Variants in CLOCK observed in about 807,000 individuals in gnomAD.
CLOCK encodes the protein circadian locomoter output cycles protein kaput.
A neutral mutation model predicts 118.4 loss-of-function variants in CLOCK; 43 were observed. The observed-to-expected ratio is 0.36, with a 90% CI of 0.28 to 0.47. The LOEUF (loss-of-function observed/expected upper bound fraction) is 0.47, where lower values mean the gene tolerates loss of function less well. CLOCK is among the 20% of genes least tolerant of loss of function. The probability of loss-of-function intolerance (pLI) is 1.00; values close to 1 mark genes in which losing one functional copy is unlikely to be tolerated. For missense variants in CLOCK, 846 were observed against 999.9 expected, an observed-to-expected ratio of 0.85 and a Z score of 2.08; for synonymous variants, 326 against 339.2, an observed-to-expected ratio of 0.96 and a Z score of 0.43.
rs141051562 is a variant in CLOCK, at chr4:55,443,368, G to T, written c.1902+319C>A. On this transcript the variant is annotated intron_variant, in intron 20 of 22. Transcript: ENST00000513440. ...TGGGTGCCTATAATCCCAGCTACTCGGGAGGTTGGGGCAGGAGAATCGCTT... is the reference window on the plus strand; with the variant it reads ...TGGGTGCCTATAATCCCAGCTACTCTGGAGGTTGGGGCAGGAGAATCGCTT... 2.2e-4 allele frequency among the ~76,000 whole-genome samples: 34 copies of T among 151,666 alleles called. No individual in the cohort carries two copies. The South Asian group carries it at 2.7e-3, about 12-fold the overall frequency.
chr4:55,458,417 T>A (rs1725069657), intron 11 of CLOCK, among the ~76,000 whole-genome samples: 1 of 152,098 alleles, frequency 6.6e-6, no homozygotes, highest in African/African-American at 2.4e-5. Flanking sequence ...TTTCTAGTGG[T>A]TAACTCTTTC....
chr4:55,494,767 G>C (rs1161377354), intron 2 of CLOCK, among the ~76,000 whole-genome samples: 1 of 152,094 alleles, frequency 6.6e-6, no homozygotes. Context: ...AGTGAAAGAA[G>C]GTGGCCACAA....
intron 21 of CLOCK, among the ~76,000 whole-genome samples, chr4:55,440,770 C>T (rs911546038): frequency 2.6e-5 from 4 of 152,122 alleles, no homozygotes; most frequent in Admixed American, 6.5e-5. Context: ...AATCTGCTTT[C>T]GTGTAACTCA....
Position 55,444,803 on chromosome 4 carries a change from GAA to G in CLOCK, c.1540-20_1540-19del. 1 of 1,612,360 alleles carries G rather than the reference GAA, an allele frequency of 6.2e-7. No homozygotes were observed. Among genetic ancestry groups the G allele is most frequent in the Non-Finnish European group, 8.5e-7 (1 of 1,179,118 alleles). ...AACTGAAACTGAAGTACCATGTACGGAAAAAGTGTAATATATTTTAGAATTAC... is the reference window on the plus strand; with the variant it reads ...AACTGAAACTGAAGTACCATGTACGGAAAGTGTAATATATTTTAGAATTAC... On this transcript the variant is annotated intron_variant, in intron 18 of 22. Transcript: ENST00000513440.
intron 1 of CLOCK, among the ~76,000 whole-genome samples, chr4:55,530,223 C>A (rs1012922832): frequency 6.6e-6 from 1 of 152,058 alleles, no homozygotes; most frequent in African/African-American, 2.4e-5. Flanking sequence ...AGATAAGATA[C>A]TAAAGCTTAT....
chr4:55,511,856 A>G (rs905724505), intron 1 of CLOCK, among the ~76,000 whole-genome samples: 10 of 152,092 alleles, frequency 6.6e-5, no homozygotes, highest in Admixed American at 2.6e-4. Context: ...GGAATCATAC[A>G]ATATGTAGTA....
chr4:55,505,813 T>C (rs1298761196), intron 2 of CLOCK, among the ~76,000 whole-genome samples: 1 of 97,218 alleles, frequency 1.0e-5, no homozygotes, highest in Admixed American at 1.3e-4. Flanking sequence ...ATATCCTTTA[T>C]CCTGATTTGA....
chr4:55,441,645 C>A (rs1040541368), intron 21 of CLOCK, among the ~76,000 whole-genome samples: 1 of 152,134 alleles, frequency 6.6e-6, no homozygotes, highest in Non-Finnish European at 1.5e-5. Context: ...AAACCAAACA[C>A]CATATATTCT....
chr4:55,438,488 C>A lies in CLOCK; in HGVS notation c.2155G>T (p.Ala719Ser). 1 of 1,613,736 alleles carries A rather than the reference C, an allele frequency of 6.2e-7. No homozygotes were observed. Among genetic ancestry groups the A allele is most frequent in the Non-Finnish European group, 8.5e-7 (1 of 1,179,998 alleles). The change falls in exon 22 of 23, where the codon GCT (alanine) becomes TCT (serine). Residue 719 changes from alanine (A) to serine (S), a missense_variant. Transcript: ENST00000513440. ...LVTKLVTAPV[A>S]CGAVMVPSTM... is the part of the protein sequence containing the mutation. ...CTAGGTACCATGACTGCCCCACAAG[C>A]TACAGGAGCAGTCACTAATTTGGTC...
At chr4:55,538,169 T>C (rs1344179426) in intron 1 of CLOCK, among the ~76,000 whole-genome samples, 6 of 152,028 alleles carry the variant, frequency 3.9e-5, no homozygotes, top group African/African-American at 1.2e-4. Context: ...AATAATAGAG[T>C]ATTATAAGCA....
At chr4:55,530,104 G>A (rs1213226090) in intron 1 of CLOCK, among the ~76,000 whole-genome samples, 1 of 131,632 alleles carries the variant, frequency 7.6e-6, no homozygotes, top group Non-Finnish European at 1.7e-5. Flanking sequence ...ATAACTGAAG[G>A]GAGACACTTG....
Position 55,434,106 on chromosome 4 carries a change from G to GACACCC in CLOCK, c.*1303_*1308dup, listed in dbSNP as rs1247253750. The GACACCC allele has an allele frequency of 6.6e-6, 1 of 152,570 alleles. No homozygotes were observed. The highest frequency in any genetic ancestry group is 2.4e-5 in the African/African-American group (1 of 41,438). 9.5% of individuals were successfully genotyped at this position (152,570 alleles called of 1,614,324 possible). ...TTATTAGGAGACTAATAATGACACT[G>GACACCC]ACACCCACATGCTGTTAAAAAGGTA... On this transcript the variant is annotated 3_prime_UTR_variant, in exon 23 of 23. Coordinates refer to ENST00000513440, the MANE Select transcript of CLOCK (RefSeq NM_004898.4).
At chr4:55,490,596 A>G (rs967273342) in intron 2 of CLOCK, among the ~76,000 whole-genome samples, 2 of 152,176 alleles carry the variant, frequency 1.3e-5, no homozygotes, top group Non-Finnish European at 2.9e-5. Context: ...AGTCCCTTAT[A>G]TAAAATGATG....
chr4:55,470,772 T>C lies in CLOCK; in HGVS notation c.383A>G (p.Asp128Gly), dbSNP rs193269746. Reference protein sequence around the residue: ...LDGFFLAIMTDGSIIYVSESV... With the variant: ...LDGFFLAIMTGGSIIYVSESV... ...CTCAGACACATATATTATGCTTCCA[T>C]CTGTCATGATTGCTAAAAAAAAACC... is the stretch of plus-strand genomic sequence containing the variant. The change falls in exon 8 of 23, where the codon GAT becomes GGT. Residue 128 changes from aspartate (D) to glycine (G), a missense_variant. This residue lies in a region of CLOCK where 246 missense variants were observed against 300.2 expected (regional missense o/e 0.82). Coordinates refer to ENST00000513440, the MANE Select transcript of CLOCK (RefSeq NM_004898.4). 5 of 1,611,988 alleles carry C rather than the reference T, an allele frequency of 3.1e-6. No individual in the cohort carries two copies. Among genetic ancestry groups the C allele is most frequent in the East Asian group, 2.2e-5 (1 of 44,770 alleles).
intron 2 of CLOCK, among the ~76,000 whole-genome samples, chr4:55,494,192 A>G (rs988369152): frequency 4.6e-5 from 7 of 152,138 alleles, no homozygotes; most frequent in African/African-American, 1.7e-4. Context: ...TGAATTTCAC[A>G]TGTAATCAGG....
chr4:55,517,930 T>G (rs1400429975), intron 1 of CLOCK, among the ~76,000 whole-genome samples: 1 of 152,094 alleles, frequency 6.6e-6, no homozygotes, highest in African/African-American at 2.4e-5. Flanking sequence ...TACAGAAATA[T>G]AGGGGTTATA....
At chr4:55,519,596 G>C (rs908216753) in intron 1 of CLOCK, among the ~76,000 whole-genome samples, 5 of 152,034 alleles carry the variant, frequency 3.3e-5, no homozygotes, top group Non-Finnish European at 5.9e-5. Flanking sequence ...AGACCAGCCT[G>C]ACCAACATGG....
chr4:55,507,801 CACTT>C (rs1471605378), intron 2 of CLOCK, among the ~76,000 whole-genome samples: 4 of 152,072 alleles, frequency 2.6e-5, no homozygotes, highest in African/African-American at 7.2e-5. Flanking sequence ...TTTCACTGGA[CACTT>C]ACTGTGTGCC....
At chr4:55,506,853 G>A (rs1041316622) in intron 2 of CLOCK, among the ~76,000 whole-genome samples, 2 of 152,116 alleles carry the variant, frequency 1.3e-5, no homozygotes, top group African/African-American at 2.4e-5. Flanking sequence ...GAGCCACCAC[G>A]CCCGGTCTAT....
Sources: allele counts gnomAD v4.1 joint callset (sites outside exome capture counted in the v4.1 genomes callset), GRCh38; gene constraint gnomAD v4.1.1; regional missense constraint gnomAD v4.1.1; transcripts MANE v1.5; gene names NCBI Gene and HGNC (gene_info 2026-07-23, HGNC 2026-07-21).